The following RPRD1A variants were observed in gnomAD, a reference collection of about 807,000 sequenced individuals.
RPRD1A encodes regulation of nuclear pre-mRNA domain-containing protein 1A.
A neutral mutation model predicts 37.8 loss-of-function variants in RPRD1A; 9 were observed. That is an observed-to-expected ratio of 0.24 (90% confidence interval 0.14 to 0.42). RPRD1A has a LOEUF of 0.42. Among genes scored for constraint, RPRD1A ranks in the 10% least tolerant of loss-of-function variants. RPRD1A has a pLI of 1.00. For synonymous variants in RPRD1A, 138 were observed against 139.7 expected, an observed-to-expected ratio of 0.99 and a Z score of 0.08; for missense variants, 255 against 371.0, an observed-to-expected ratio of 0.69 and a Z score of 2.57.
chr18:36,059,670 C>T (rs554955858), intron 1 of RPRD1A, among the ~76,000 whole-genome samples: 1 of 152,108 alleles, frequency 6.6e-6, no homozygotes, highest in East Asian at 1.9e-4. Flanking sequence ...TTCTTTGGAA[C>T]AACCAATTTG....
chr18:36,029,895 T>G (rs986751995), intron 4 of RPRD1A, among the ~76,000 whole-genome samples: 1 of 151,684 alleles, frequency 6.6e-6, no homozygotes, highest in Non-Finnish European at 1.5e-5. Flanking sequence ...AAGCTCCGCC[T>G]CCCAGGTTCA....
intron 6 of RPRD1A, chr18:36,025,474 T>C (rs1254663943): frequency 4.7e-6 from 2 of 422,682 alleles, no homozygotes; most frequent in African/African-American, 4.2e-5. Flanking sequence ...ACAGTTACAC[T>C]TCAAATATAA....
At chr18:36,009,150 A>C (rs541199814) in intron 6 of RPRD1A, among the ~76,000 whole-genome samples, 1 of 152,270 alleles carries the variant, frequency 6.6e-6, no homozygotes, top group South Asian at 2.1e-4. Flanking sequence ...TAGTGGTTCA[A>C]CCACCTTTAC....
intron 1 of RPRD1A, among the ~76,000 whole-genome samples, chr18:36,055,337 G>C (rs917221339): frequency 6.6e-6 from 1 of 152,176 alleles, no homozygotes; most frequent in Admixed American, 6.5e-5. Context: ...TCCCAACTTA[G>C]AGAAAAACTA....
intron 1 of RPRD1A, among the ~76,000 whole-genome samples, chr18:36,050,330 T>G (rs1439623212): frequency 6.6e-6 from 1 of 152,088 alleles, no homozygotes; most frequent in Non-Finnish European, 1.5e-5. Flanking sequence ...CTCAACCTCC[T>G]GAGTTGGGGA....
At chr18:36,020,993 T>C (rs916816850) in intron 6 of RPRD1A, among the ~76,000 whole-genome samples, 1 of 152,190 alleles carries the variant, frequency 6.6e-6, no homozygotes, top group Non-Finnish European at 1.5e-5. Context: ...TTTTTCCCTT[T>C]GATGGAAATA....
At chr18:36,034,384 C>T (rs562191091) in intron 1 of RPRD1A, among the ~76,000 whole-genome samples, 60 of 152,086 alleles carry the variant, frequency 3.9e-4, no homozygotes, top group African/African-American at 1.4e-3. Flanking sequence ...ATTACATGGC[C>T]ATAAATTTTA....
chr18:36,055,226 TAAATG>T (rs774700903), intron 1 of RPRD1A, among the ~76,000 whole-genome samples: 3 of 152,264 alleles, frequency 2.0e-5, no homozygotes, highest in Non-Finnish European at 2.9e-5. Context: ...TTTGCTAGAT[TAAATG>T]TCTAAGGTAT....
chr18:36,061,473 T>C (rs989344714), intron 1 of RPRD1A, among the ~76,000 whole-genome samples: 1 of 152,170 alleles, frequency 6.6e-6, no homozygotes, highest in African/African-American at 2.4e-5. Flanking sequence ...TTTCCTCCTA[T>C]CTATCTTGTT....
intron 6 of RPRD1A, among the ~76,000 whole-genome samples, chr18:36,010,248 C>T (rs561917148): frequency 2.0e-5 from 3 of 151,994 alleles, no homozygotes; most frequent in African/African-American, 7.2e-5. Context: ...GCAGGTGGAT[C>T]GCTTGAGCCC....
intron 1 of RPRD1A, among the ~76,000 whole-genome samples, chr18:36,055,511 A>G (rs893027779): frequency 7.2e-5 from 11 of 152,206 alleles, no homozygotes; most frequent in African/African-American, 2.4e-4. Context: ...GAGATTTTTT[A>G]CAAAGCATCA....
rs1050921050 is a variant in RPRD1A, at chr18:36,024,358, G to C, written c.789+2542C>G. On this transcript the variant is annotated intron_variant, in intron 6 of 6. Transcript: ENST00000399022. ...TTAAGTAGAGATGGGGTTTCACCAT[G>C]TCAGCCAGGCTGGTCTTGAACTCCT... 2.1e-5 allele frequency among the ~76,000 whole-genome samples: 3 copies of C among 141,152 alleles called. No individual in the cohort carries two copies. In the Admixed American group the frequency reaches 2.2e-4, roughly 10 times the overall value. 92.6% of individuals were successfully genotyped at this position (141,152 alleles called of 152,430 possible).
chr18:36,064,909 AC>A (rs2088995875), intron 1 of RPRD1A, among the ~76,000 whole-genome samples: 1 of 152,018 alleles, frequency 6.6e-6, no homozygotes, highest in Non-Finnish European at 1.5e-5. Context: ...CCACGAATCC[AC>A]CGAGAGGGAC....
chr18:36,036,057 G>T (rs191565548), intron 1 of RPRD1A, among the ~76,000 whole-genome samples: 1 of 152,050 alleles, frequency 6.6e-6, no homozygotes, highest in African/African-American at 2.4e-5. Flanking sequence ...AAAAAATGAA[G>T]ATGGTAAATA....
chr18:36,016,562 A>G (rs902822177), intron 6 of RPRD1A, among the ~76,000 whole-genome samples: 6 of 152,114 alleles, frequency 3.9e-5, no homozygotes, highest in Admixed American at 2.0e-4. Context: ...CATGAAAACC[A>G]TATCTCCTTT....
rs979497538 is a variant in RPRD1A, at chr18:36,019,540, T to G, written c.789+7360A>C. ...AGCCAGGTAGTACATGACAACCACT[T>G]AGACAGGGGTGGTTTGGCAGCAGTT... On this transcript the variant is annotated intron_variant, in intron 6 of 6. Coordinates refer to ENST00000399022, the MANE Select transcript of RPRD1A (RefSeq NM_018170.5). Among the ~76,000 whole-genome samples, 3 of 152,222 alleles carry G rather than the reference T, an allele frequency of 2.0e-5. No individual in the cohort carries two copies. In the East Asian group the frequency reaches 5.8e-4, roughly 29 times the overall value.
intron 1 of RPRD1A, among the ~76,000 whole-genome samples, chr18:36,053,800 A>G (rs1913568527): frequency 1.3e-5 from 2 of 152,210 alleles, no homozygotes; most frequent in African/African-American, 4.8e-5. Flanking sequence ...CAAGAATGTT[A>G]GTAAATATGA....
chr18:36,016,738 T>C (rs756971497), intron 6 of RPRD1A, among the ~76,000 whole-genome samples: 1 of 152,190 alleles, frequency 6.6e-6, no homozygotes, highest in Non-Finnish European at 1.5e-5. Flanking sequence ...AGCAAGGAAC[T>C]GGAAGAAATA....
At chr18:36,030,154 A>G (rs1350483708) in intron 4 of RPRD1A, among the ~76,000 whole-genome samples, 1 of 151,398 alleles carries the variant, frequency 6.6e-6, no homozygotes, top group Non-Finnish European at 1.5e-5. Flanking sequence ...TTAAAGGGGC[A>G]GTGATTATGT....
Sources: gnomAD v4.1 joint callset for allele counts (sites outside exome capture counted in the v4.1 genomes callset) on GRCh38, gnomAD v4.1.1 for gene constraint, MANE v1.5 for transcripts, NCBI Gene and HGNC (gene_info 2026-07-23, HGNC 2026-07-21) for gene names.